The following SLC38A12 variants were observed in gnomAD, a reference collection of about 807,000 sequenced individuals.
The protein encoded by SLC38A12 is solute carrier family 38 member 12, also known as putative sodium-coupled neutral amino acid transporter 12.
At chr17:74,783,881 C>A in the SLC38A12 span, among the ~76,000 whole-genome samples, 3 of 151,772 alleles carry the variant, frequency 2.0e-5, no homozygotes, top group Non-Finnish European at 4.4e-5. Flanking sequence ...CAGGCACACG[C>A]CACCCCCCAG....
chr17:74,783,728 T>C, the SLC38A12 span, among the ~76,000 whole-genome samples: 11 of 47,716 alleles, frequency 2.3e-4, no homozygotes, highest in African/African-American at 4.4e-4. Context: ...TTTCTTTTTT[T>C]TTTTTTTTTT....
the SLC38A12 span, among the ~76,000 whole-genome samples, chr17:74,780,976 G>A: frequency 9.2e-5 from 14 of 152,314 alleles, no homozygotes; most frequent in East Asian, 1.7e-3. Context: ...GTCAACTAGC[G>A]GTGATCCTGC....
the SLC38A12 span, among the ~76,000 whole-genome samples, chr17:74,782,058 T>A: frequency 6.6e-6 from 1 of 152,212 alleles, no homozygotes. Context: ...AGTGCCCTGA[T>A]TGTTTGCTTC....
the SLC38A12 span, among the ~76,000 whole-genome samples, chr17:74,796,968 CAGA>C: frequency 3.9e-5 from 6 of 152,090 alleles, no homozygotes; most frequent in African/African-American, 1.2e-4. Flanking sequence ...GGTAGATGGG[CAGA>C]AGGAGGGGAT....
At chr17:74,814,300 C>A in the SLC38A12 span, among the ~76,000 whole-genome samples, 7 of 149,636 alleles carry the variant, frequency 4.7e-5, no homozygotes, top group African/African-American at 1.7e-4. Context: ...CACCCCAGGC[C>A]CCCTTCCTGT....
the SLC38A12 span, among the ~76,000 whole-genome samples, chr17:74,789,867 A>G: frequency 1.3e-5 from 2 of 148,586 alleles, no homozygotes; most frequent in Admixed American, 6.6e-5. Context: ...AAAAAAAAAA[A>G]GGAAGCAGGT....
At chr17:74,804,041 A>G in the SLC38A12 span, among the ~76,000 whole-genome samples, 3 of 152,228 alleles carry the variant, frequency 2.0e-5, no homozygotes, top group Non-Finnish European at 4.4e-5. Context: ...TGAAAACTGT[A>G]TATGCCAAAC....
At chr17:74,838,801 T>C in the SLC38A12 span, 2 of 1,499,936 alleles carry the variant, frequency 1.3e-6, no homozygotes, top group Non-Finnish European at 1.8e-6. Flanking sequence ...TGATGCTGGC[T>C]CTCCACGTGC....
chr17:74,783,701 T>G, the SLC38A12 span, among the ~76,000 whole-genome samples: 3 of 150,550 alleles, frequency 2.0e-5, no homozygotes, highest in African/African-American at 7.3e-5. Flanking sequence ...GTTGGCAATC[T>G]CTATTTCTTC....
chr17:74,779,201 C>T, the SLC38A12 span, among the ~76,000 whole-genome samples: 4 of 151,990 alleles, frequency 2.6e-5, no homozygotes, highest in Admixed American at 6.6e-5. Context: ...TGGATATGTC[C>T]CCATTTCTTG....
the SLC38A12 span, chr17:74,785,360 C>G: frequency 5.4e-5 from 76 of 1,401,708 alleles, no homozygotes; most frequent in Non-Finnish European, 6.4e-5. Context: ...GCCTCCTTCC[C>G]TGTCTACAGT....
At chr17:74,830,005 C>T in the SLC38A12 span, among the ~76,000 whole-genome samples, 2 of 152,174 alleles carry the variant, frequency 1.3e-5, no homozygotes, top group Non-Finnish European at 1.5e-5. Context: ...GTGTGTTCAG[C>T]GCTGGAAGGA....
At chr17:74,792,567 C>T in the SLC38A12 span, among the ~76,000 whole-genome samples, 4 of 152,204 alleles carry the variant, frequency 2.6e-5, no homozygotes, top group African/African-American at 9.7e-5. Flanking sequence ...CAACTGTCTT[C>T]GAAGATTTTC....
the SLC38A12 span, among the ~76,000 whole-genome samples, chr17:74,779,832 T>C: frequency 9.7e-4 from 147 of 152,236 alleles, no homozygotes; most frequent in Non-Finnish European, 1.8e-3. Context: ...CTTCAGGAGT[T>C]CCAAGGATGT....
chr17:74,790,871 A>T, the SLC38A12 span: 1 of 1,221,226 alleles, frequency 8.2e-7, no homozygotes, highest in Non-Finnish European at 1.2e-6. Context: ...TTCATGGTTT[A>T]GATAATTCAG....
At chr17:74,805,798 G>A in the SLC38A12 span, among the ~76,000 whole-genome samples, 2 of 152,178 alleles carry the variant, frequency 1.3e-5, no homozygotes, top group East Asian at 1.9e-4. This position sits in a 1 kb window ranked among gnomAD's most constrained non-coding sequence, Gnocchi z 5.0. Flanking sequence ...TTCCTGCGCC[G>A]AGAGCATGGA....
chr17:74,790,177 T>TC, the SLC38A12 span: 2 of 1,596,612 alleles, frequency 1.3e-6, no homozygotes, highest in East Asian at 2.2e-5. Context: ...TCCCTCCTCC[T>TC]CGTCCATCCT....
At chr17:74,796,081 G>T in the SLC38A12 span, among the ~76,000 whole-genome samples, 14 of 152,314 alleles carry the variant, frequency 9.2e-5, no homozygotes, top group South Asian at 1.2e-3. Flanking sequence ...GGTCAGCCCA[G>T]CTCTCTTCCT....
the SLC38A12 span, among the ~76,000 whole-genome samples, chr17:74,793,876 C>G: frequency 1.3e-5 from 2 of 152,184 alleles, no homozygotes; most frequent in Non-Finnish European, 2.9e-5. Context: ...TCTTTTCCCC[C>G]CCAGGCTCCT....
Sources: gnomAD v4.1 joint callset for allele counts (sites outside exome capture counted in the v4.1 genomes callset) on GRCh38, gnomAD v4.1.1 for gene constraint, Gnocchi (gnomAD v3.1) non-coding constraint, MANE v1.5 for transcripts, NCBI Gene and HGNC (gene_info 2026-07-23, HGNC 2026-07-21) for gene names.